Variants in DYTN observed in about 807,000 individuals in gnomAD.
The protein encoded by DYTN is dystrotelin.
A neutral mutation model predicts 69.6 loss-of-function variants in DYTN; 75 were observed. That is an observed-to-expected ratio of 1.08 (90% CI 0.89 to 1.31). The LOEUF (loss-of-function observed/expected upper bound fraction) is 1.31, where lower values mean the gene tolerates loss of function less well. Ranked by LOEUF, DYTN falls within the 50% of genes most tolerant of loss-of-function variation. The pLI is 0.00. For missense variants in DYTN, 726 were observed against 688.4 expected (o/e 1.05, Z -0.61); for synonymous variants, 252 against 249.1 (o/e 1.01, Z -0.11).
At chr2:206,710,909 T>C (rs1700073865) in intron 1 of DYTN, among the ~76,000 whole-genome samples, 1 of 152,194 alleles carries the variant, frequency 6.6e-6, no homozygotes, top group Admixed American at 6.5e-5. Context: ...ATGTAGAATA[T>C]AAATTCAAGT....
At chr2:206,677,696 G>T (rs1699705739) in intron 9 of DYTN, among the ~76,000 whole-genome samples, 1 of 152,060 alleles carries the variant, frequency 6.6e-6, no homozygotes, top group African/African-American at 2.4e-5. Context: ...GAAAGAGACT[G>T]ATAATGTTTT....
intron 1 of DYTN, among the ~76,000 whole-genome samples, chr2:206,713,704 T>G (rs936221641): frequency 9.9e-5 from 15 of 152,280 alleles, no homozygotes; most frequent in Non-Finnish European, 2.2e-4. Context: ...CAAGCAGTGG[T>G]GCATCTCTAG....
chr2:206,704,725 A>G (rs1700008026), intron 5 of DYTN, 118 bp downstream of exon 5: 13 of 811,418 alleles, frequency 1.6e-5, no homozygotes, highest in Non-Finnish European at 2.6e-5. Flanking sequence ...TGGAGGAGAG[A>G]GCTTGCATGG....
intron 9 of DYTN, among the ~76,000 whole-genome samples, chr2:206,683,199 T>C (rs74771219): frequency 0.011 from 1,661 of 152,282 alleles, 38 homozygotes; most frequent in African/African-American, 0.038. Context: ...ATTCTCAACA[T>C]AGCAACCAGA....
At chr2:206,695,961 T>C (rs1699916518) in intron 7 of DYTN, among the ~76,000 whole-genome samples, 1 of 152,204 alleles carries the variant, frequency 6.6e-6, no homozygotes, top group South Asian at 2.1e-4. Flanking sequence ...AAAAGAAATA[T>C]GATAAGATTC....
chr2:206,696,714 C>T (rs1282845955), intron 7 of DYTN, among the ~76,000 whole-genome samples: 2 of 152,240 alleles, frequency 1.3e-5, no homozygotes, highest in East Asian at 1.9e-4. Flanking sequence ...TGATGGCCTG[C>T]CATTTTAACC....
intron 11 of DYTN, among the ~76,000 whole-genome samples, chr2:206,657,142 A>C (rs1410546526): frequency 6.6e-6 from 1 of 152,020 alleles, no homozygotes; most frequent in Admixed American, 6.5e-5. Flanking sequence ...TAGAGATGGG[A>C]TCTTGTTGTC....
At chr2:206,697,719 A>G (rs1475341455) in intron 7 of DYTN, among the ~76,000 whole-genome samples, 1 of 152,220 alleles carries the variant, frequency 6.6e-6, no homozygotes, top group African/African-American at 2.4e-5. Flanking sequence ...CAGGTCTCCT[A>G]GCTCTTTGTA....
intron 3 of DYTN, 59 bp from the exon 4 acceptor site, chr2:206,705,932 A>C (rs1467732592): frequency 6.4e-7 from 1 of 1,566,128 alleles, no homozygotes; most frequent in Non-Finnish European, 8.7e-7. Context: ...CTTTGGTGTA[A>C]TGGATGATAA....
At chr2:206,682,069 A>G (rs903438029) in intron 9 of DYTN, among the ~76,000 whole-genome samples, 3 of 152,060 alleles carry the variant, frequency 2.0e-5, no homozygotes, top group Admixed American at 6.5e-5. Flanking sequence ...TTATTGGTCT[A>G]TTTAGGGTTT....
At chr2:206,701,097 G>T (rs1699971966) in intron 5 of DYTN, 1 of 152,182 alleles carries the variant, frequency 6.6e-6, no homozygotes, top group Non-Finnish European at 1.5e-5. Flanking sequence ...GTGAGAAGCA[G>T]GAAAGAGTAG....
intron 9 of DYTN, among the ~76,000 whole-genome samples, chr2:206,667,755 T>C (rs930690065): frequency 6.6e-6 from 1 of 151,696 alleles, no homozygotes; most frequent in African/African-American, 2.4e-5. Flanking sequence ...GGATCAGGCC[T>C]AAAATAGTTC....
At chr2:206,704,719 G>A in intron 5 of DYTN, 124 bp downstream of exon 5, 1 of 774,186 alleles carries the variant, frequency 1.3e-6, no homozygotes, top group Admixed American at 2.5e-5. Flanking sequence ...TGGCTATGGA[G>A]GAGAGAGCTT....
intron 9 of DYTN, among the ~76,000 whole-genome samples, chr2:206,690,193 CTT>C (rs1174950013): frequency 6.6e-6 from 1 of 152,076 alleles, no homozygotes; most frequent in Non-Finnish European, 1.5e-5. Flanking sequence ...CTCGGCAGGT[CTT>C]TGGGAAGTGA....
At chr2:206,685,257 G>T (rs999322933) in intron 9 of DYTN, among the ~76,000 whole-genome samples, 6 of 151,936 alleles carry the variant, frequency 3.9e-5, no homozygotes, top group African/African-American at 1.5e-4. Context: ...GACCTACCAG[G>T]CTCAAGCGAT....
chr2:206,653,873 A>T (rs1021923339), intron 11 of DYTN, among the ~76,000 whole-genome samples: 3 of 152,172 alleles, frequency 2.0e-5, no homozygotes, highest in Non-Finnish European at 2.9e-5. Context: ...CACCATCCAT[A>T]CAGGGCAACA....
At chr2:206,682,751 T>C (rs1350548844) in intron 9 of DYTN, among the ~76,000 whole-genome samples, 3 of 152,104 alleles carry the variant, frequency 2.0e-5, no homozygotes, top group African/African-American at 7.2e-5. Flanking sequence ...TCTCAGAGAC[T>C]TCTCAATTTT....
chr2:206,651,870 C>T lies in DYTN; in HGVS notation c.1685G>A (p.Cys562Tyr), dbSNP rs1699391885. ...ATCAACAAGGGCAGAGAAGGCCCTGCACACTCGCTGAGCTCCACTGTACAG... is the reference window on the plus strand; with the variant it reads ...ATCAACAAGGGCAGAGAAGGCCCTGTACACTCGCTGAGCTCCACTGTACAG... ...MDLYSGAQRVCRAFSALVDQI... is the reference protein window; with the variant it reads ...MDLYSGAQRVYRAFSALVDQI... The change falls in exon 12 of 12, where the codon TGC becomes TAC. Residue 562 changes from cysteine to tyrosine, a missense_variant. Cys to Tyr is a radical substitution (Grantham distance 194). Coordinates refer to ENST00000452335, the MANE Select transcript of DYTN (RefSeq NM_001093730.1). 2 of 1,613,656 alleles carry T rather than the reference C, an allele frequency of 1.2e-6. No homozygotes were observed. Among genetic ancestry groups the T allele is most frequent in the Non-Finnish European group, 1.7e-6 (2 of 1,179,642 alleles).
chr2:206,660,959 C>T (rs6753783), intron 11 of DYTN, among the ~76,000 whole-genome samples: 6,081 of 152,152 alleles, frequency 0.04, 422 homozygotes, highest in African/African-American at 0.14. Flanking sequence ...CCTAGTGCCT[C>T]AGAATGTGAC....
Sources: allele counts gnomAD v4.1 joint callset (sites outside exome capture counted in the v4.1 genomes callset), GRCh38; gene constraint gnomAD v4.1.1; transcripts MANE v1.5; gene names NCBI Gene and HGNC (gene_info 2026-07-23, HGNC 2026-07-21).